FLNC: variants seen among roughly 807,000 people sequenced by gnomAD.
FLNC encodes filamin-C.
In FLNC, 91 loss-of-function variants were observed where a neutral mutation model predicts 254.3. The ratio of observed to expected loss-of-function variants is 0.36; its 90% CI spans 0.30 to 0.43. The LOEUF (loss-of-function observed/expected upper bound fraction) is 0.43. Ranked by LOEUF, FLNC falls within the 20% of genes least tolerant of loss-of-function variation. The pLI is 1.00. For missense variants in FLNC, 2,853 were observed against 3,802.6 expected (o/e 0.75, Z 6.57); for synonymous variants, 1,430 against 1,577.2 (o/e 0.91, Z 2.21).
Position 128,845,102 on chromosome 7 carries a change from C to T in FLNC, c.3637C>T (p.His1213Tyr), listed in dbSNP as rs1438228359. The change falls in exon 21 of 48, where the codon CAC becomes TAC. Residue 1213 changes from histidine to tyrosine, a missense_variant. His to Tyr is a moderately conservative substitution (Grantham distance 83). This residue lies in a region of FLNC where 1,573 missense variants were observed against 1,883.5 expected (regional missense o/e 0.84). Coordinates refer to ENST00000325888, the MANE Select transcript of FLNC (RefSeq NM_001458.5). Reference sequence around the variant, plus strand: ...CCACAACAACGCGGATGGCACCTACCACATCACCTACAGCCCTGCCTTCCC... The same window carrying T: ...CCACAACAACGCGGATGGCACCTACTACATCACCTACAGCCCTGCCTTCCC... ...LIHNNADGTY[H>Y]ITYSPAFPGT... The T allele has an allele frequency of 6.2e-7, 1 of 1,613,828 alleles. No individual in the cohort carries two copies. The highest frequency in any genetic ancestry group is 1.3e-5 in the African/African-American group (1 of 74,926).
In FLNC at chr7:128,841,379, A is replaced by T; in HGVS notation, c.2007+16A>T. On this transcript the variant is annotated intron_variant, in intron 12 of 47. Transcript: ENST00000325888. This position sits in a 1 kb window ranked among gnomAD's most constrained non-coding sequence, Gnocchi z 4.3. ...CCCAGATAAGGTGTGGTCCCAGCTC[A>T]CACACACCTGCCCCGGGGGTGGGGC... is the stretch of plus-strand genomic sequence containing the variant. The T allele has an allele frequency of 6.2e-7, 1 of 1,613,754 alleles. No homozygotes were observed. Among genetic ancestry groups the T allele is most frequent in the Non-Finnish European group, 8.5e-7 (1 of 1,179,800 alleles).
chr7:128,839,184 C>T (rs2128934606), intron 8 of FLNC, among the ~76,000 whole-genome samples: 1 of 152,380 alleles, frequency 6.6e-6, no homozygotes, highest in South Asian at 2.1e-4. Context: ...CCAGGCATGG[C>T]CGCAGCTGAC....
chr7:128,852,418 A>G (rs1808856099), intron 35 of FLNC, among the ~76,000 whole-genome samples, 173 bp from the exon 36 acceptor site: 1 of 151,472 alleles, frequency 6.6e-6, no homozygotes, highest in Non-Finnish European at 1.5e-5. Flanking sequence ...AGTCTCTGGC[A>G]GCTCACATGT....
At chr7:128,855,792 A>G (rs1219668143) in intron 43 of FLNC, among the ~76,000 whole-genome samples, 1 of 152,160 alleles carries the variant, frequency 6.6e-6, no homozygotes, top group Non-Finnish European at 1.5e-5. Flanking sequence ...TGACTTCTAG[A>G]GATGTGGTGT....
At position 128,851,273 on chromosome 7, in the gene FLNC, C is replaced by T; in HGVS notation, c.5581C>T (p.His1861Tyr). 6.2e-7 allele frequency: 1 copy of T among 1,614,108 alleles called. No individual in the cohort carries two copies. The highest frequency in any genetic ancestry group is 1.3e-5 in the African/African-American group (1 of 75,052). Residue 1861 changes from histidine (H) to tyrosine (Y), a missense_variant, in exon 34 of 48, where the codon CAT becomes TAT. Around this residue, in one of 10 missense-constraint regions of FLNC, gnomAD observed 551 missense variants for 835.0 expected, o/e 0.66. Transcript: ENST00000325888. ...CTATGTGGATGCCATCAACAGCCGC[C>T]ATGTCAGTGCCTATGGGCCAGGCCT... ...QFYVDAINSRHVSAYGPGLSH... is the reference protein window; with the variant it reads ...QFYVDAINSRYVSAYGPGLSH...
In FLNC at chr7:128,853,453, C is replaced by T. The variant is rs1808910165; in HGVS notation, c.6209-16C>T. The T allele has an allele frequency of 6.2e-7, 1 of 1,613,428 alleles. No individual in the cohort carries two copies. The highest frequency in any genetic ancestry group is 1.1e-5 in the South Asian group (1 of 91,026). ...AGCCTAGGACTGAGGGAGATGTGTT[C>T]CTTGCTTTCCCCCAGGTTATGGGGG... is the stretch of plus-strand genomic sequence containing the variant. On this transcript the variant is annotated splice_polypyrimidine_tract_variant and intron_variant, in intron 37 of 47. Transcript: ENST00000325888.
intron 7 of FLNC, 53 bp from the exon 8 acceptor site, chr7:128,838,550 C>T (rs1328977500): frequency 1.2e-6 from 2 of 1,608,812 alleles, no homozygotes; most frequent in Non-Finnish European, 1.7e-6. Context: ...GGTGAGGGCA[C>T]CGGGGCAGCT....
rs1318885805 is a variant in FLNC at position 128,847,865 on chromosome 7, G to T, written c.4456+1G>T. 2 of 1,613,620 alleles carry T rather than the reference G, an allele frequency of 1.2e-6. No homozygotes were observed. The highest frequency in any genetic ancestry group is 8.5e-7 in the Non-Finnish European group (1 of 1,179,942). On this transcript the variant is annotated splice_donor_variant, in intron 25 of 47. Coordinates refer to ENST00000325888, the MANE Select transcript of FLNC (RefSeq NM_001458.5). LOFTEE classifies it high-confidence loss of function. ...CAGGTGGCTGTGCTGGGCCCCACAG[G>T]TATAGAATGGCCGGGGCAGGGAGGA...
rs977646893 is a variant in FLNC at position 128,843,515 on chromosome 7, G to A, written c.2749G>A (p.Asp917Asn). Reference protein sequence around the residue: ...AGTAKGEVVRDFEIIDNHDYS... With the variant: ...AGTAKGEVVRNFEIIDNHDYS... Reference sequence around the variant, plus strand: ...GACAGCCAAGGGCGAGGTTGTGCGGGACTTTGAGATCATAGACAACCATGA... The same window carrying A: ...GACAGCCAAGGGCGAGGTTGTGCGGAACTTTGAGATCATAGACAACCATGA... Residue 917 changes from aspartate (D) to asparagine (N), a missense_variant, in exon 18 of 48, where the codon GAC becomes AAC. By Grantham distance (23) the Asp-to-Asn change is conservative. This residue lies in a region of FLNC where 1,573 missense variants were observed against 1,883.5 expected (regional missense o/e 0.84). Transcript: ENST00000325888. 1 of 1,613,870 alleles carries A rather than the reference G, an allele frequency of 6.2e-7. No individual in the cohort carries two copies. The highest frequency in any genetic ancestry group is 1.7e-5 in the Admixed American group (1 of 60,002).
intron 1 of FLNC, 87 bp downstream of exon 1, chr7:128,831,076 G>T: frequency 7.7e-7 from 1 of 1,301,510 alleles, no homozygotes; most frequent in Non-Finnish European, 1.1e-6. Context: ...GGCGCGCGGG[G>T]AGCTGAGAGA....
chr7:128,849,166 C>T lies in FLNC; in HGVS notation c.4928-15C>T. ...GTTGAGCACCGCCTGGCCTCACACTCTTCTCTCTTTCCAGTGTCCATTGGA... is the reference window on the plus strand; with the variant it reads ...GTTGAGCACCGCCTGGCCTCACACTTTTCTCTCTTTCCAGTGTCCATTGGA... On this transcript the variant is annotated splice_polypyrimidine_tract_variant and intron_variant, in intron 28 of 47. Coordinates refer to ENST00000325888, the MANE Select transcript of FLNC (RefSeq NM_001458.5). The T allele has an allele frequency of 6.2e-7, 1 of 1,613,096 alleles. No individual in the cohort carries two copies. The highest frequency in any genetic ancestry group is 8.5e-7 in the Non-Finnish European group (1 of 1,179,884).
chr7:128,850,068 A>T lies in FLNC; in HGVS notation c.5292A>T (p.Thr1764=). The part of the protein sequence containing the change: ...YAPPRPGARP[T]HWATEEPVVP... ...CTCCCCGGCCCGGCGCCCGCCCCACACACTGGGTACTGCGCCTCCCACCAG... is the reference window on the plus strand; with the variant it reads ...CTCCCCGGCCCGGCGCCCGCCCCACTCACTGGGTACTGCGCCTCCCACCAG... The change falls in exon 31 of 48, where the codon ACA becomes ACT. Residue 1764 remains threonine (T), a synonymous_variant. Transcript: ENST00000325888. 6.5e-7 allele frequency: 1 copy of T among 1,537,616 alleles called. No individual in the cohort carries two copies. The highest frequency in any genetic ancestry group is 2.4e-5 in the East Asian group (1 of 41,104).
In FLNC at chr7:128,844,220, G is replaced by T. The variant is rs772245212; in HGVS notation, c.3146G>T (p.Gly1049Val). ...ACCTACGATGGTCACCCGGTGCCTGGCAGCCCGTTTGCTGTGGAGGGTGTC... is the reference window on the plus strand; with the variant it reads ...ACCTACGATGGTCACCCGGTGCCTGTCAGCCCGTTTGCTGTGGAGGGTGTC... ...DITYDGHPVP[G>V]SPFAVEGVLP... Residue 1049 changes from glycine to valine, a missense_variant, in exon 20 of 48, where the codon GGC becomes GTC. By Grantham distance (109) the Gly-to-Val change is moderately radical. This residue lies in a region of FLNC where 1,573 missense variants were observed against 1,883.5 expected (regional missense o/e 0.84). Transcript: ENST00000325888. The T allele has an allele frequency of 1.8e-5, 29 of 1,611,788 alleles. No individual in the cohort carries two copies. In the East Asian group the frequency reaches 6.2e-4, roughly 35 times the overall value.
At position 128,851,645 on chromosome 7, in the gene FLNC, G is replaced by A. The variant is rs374289007; in HGVS notation, c.5842+17G>A. ...AGATCACAGGTGAGGCGGGTGTATG[G>A]GCATGTACAGCCCATGAGGCACACA... On this transcript the variant is annotated intron_variant, in intron 35 of 47. Transcript: ENST00000325888. 344 of 1,613,016 alleles carry A rather than the reference G, an allele frequency of 2.1e-4. 1 individual carries two copies. The African/African-American group carries it at 4.4e-3, about 20-fold the overall frequency.
At position 128,851,497 on chromosome 7, in the gene FLNC, T is replaced by A. The variant is rs746749122; in HGVS notation, c.5711T>A (p.Ile1904Asn). 1 of 1,613,906 alleles carries A rather than the reference T, an allele frequency of 6.2e-7. No individual in the cohort carries two copies. Among genetic ancestry groups the A allele is most frequent in the Non-Finnish European group, 8.5e-7 (1 of 1,180,022 alleles). Residue 1904 changes from isoleucine to asparagine, a missense_variant, in exon 35 of 48, where the codon ATC (isoleucine) becomes AAC (asparagine). By Grantham distance (149) the Ile-to-Asn change is moderately radical. This residue lies in a region of FLNC where 551 missense variants were observed against 835.0 expected (regional missense o/e 0.66). Transcript: ENST00000325888. The part of the protein sequence containing the change: ...LAVEGPSKAE[I>N]TCKDNKDGTC... Reference sequence around the variant, plus strand: ...GTGGAGGGCCCATCCAAGGCAGAGATCACCTGTAAGGACAACAAGGATGGC... The same window carrying A: ...GTGGAGGGCCCATCCAAGGCAGAGAACACCTGTAAGGACAACAAGGATGGC...
rs1563001545 is a variant in FLNC, at chr7:128,851,452, C to T, written c.5669-3C>T. 2 of 1,613,992 alleles carry T rather than the reference C, an allele frequency of 1.2e-6. No individual in the cohort carries two copies. Among genetic ancestry groups the T allele is most frequent in the Admixed American group, 1.7e-5 (1 of 60,026 alleles). On this transcript the variant is annotated splice_region_variant and splice_polypyrimidine_tract_variant and intron_variant, in intron 34 of 47. Transcript: ENST00000325888. The stretch of plus-strand genomic sequence containing the variant: ...CTGATCTTGGCCACACCTCCACCTA[C>T]AGGGGGTCTGTCACTGGCCGTGGAG...
Position 128,856,698 on chromosome 7 carries a change from T to TG in FLNC, c.7385-43dup, listed in dbSNP as rs1384732196. 1 of 1,613,854 alleles carries TG rather than the reference T, an allele frequency of 6.2e-7. No homozygotes were observed. Among genetic ancestry groups the TG allele is most frequent in the Non-Finnish European group, 8.5e-7 (1 of 1,180,012 alleles). ...AACTCCCTTCCGGGCTGGGGCCTTC[T>TG]GGGGAGGGGAAGGATGGAGGCTAAG... On this transcript the variant is annotated intron_variant, in intron 44 of 47. Transcript: ENST00000325888. This position sits in a 1 kb window ranked among gnomAD's most constrained non-coding sequence, Gnocchi z 5.9.
intron 1 of FLNC, among the ~76,000 whole-genome samples, chr7:128,833,600 C>T (rs1162769553): frequency 6.8e-6 from 1 of 146,934 alleles, no homozygotes; most frequent in African/African-American, 2.7e-5. Flanking sequence ...TGAATGACCA[C>T]CCTCCCCATA....
rs1808340800 is a variant in FLNC, at chr7:128,841,649, C to T, written c.2121+82C>T. On this transcript the variant is annotated intron_variant, in intron 13 of 47. Transcript: ENST00000325888. The surrounding 1 kb of genome is among the most constrained non-coding windows in gnomAD (Gnocchi z 4.3). The stretch of plus-strand genomic sequence containing the variant: ...GCAGGGCCAGGCCAGAGGCAGAGGC[C>T]TCCCAGCAGGAAATGACAGCATCAC... 1 of 1,002,466 alleles carries T rather than the reference C, an allele frequency of 1.0e-6. No individual in the cohort carries two copies. Among genetic ancestry groups the T allele is most frequent in the African/African-American group, 1.6e-5 (1 of 63,282 alleles). 62.1% of individuals were successfully genotyped at this position (1,002,466 alleles called of 1,614,324 possible). A position where few individuals can be genotyped will look rare whatever the true frequency, so the allele number is the denominator to read the frequency against.
Sources: gnomAD v4.1 joint callset for allele counts (sites outside exome capture counted in the v4.1 genomes callset) on GRCh38, gnomAD v4.1.1 for gene constraint, gnomAD v4.1.1 regional missense constraint, Gnocchi (gnomAD v3.1) non-coding constraint, MANE v1.5 for transcripts, NCBI Gene and HGNC (gene_info 2026-07-23, HGNC 2026-07-21) for gene names.